Variants in C8orf34 observed in about 807,000 individuals in gnomAD.
C8orf34 encodes chromosome 8 open reading frame 34.
A neutral mutation model predicts 68.3 loss-of-function variants in C8orf34; 65 were observed. The observed-to-expected ratio is 0.95, with a 90% confidence interval of 0.78 to 1.17. The LOEUF (loss-of-function observed/expected upper bound fraction) is 1.17, where lower values mean the gene tolerates loss of function less well. C8orf34 is among the 50% of genes most tolerant of loss of function. C8orf34 has a pLI of 0.00. For missense variants in C8orf34, 664 were observed against 655.4 expected, an observed-to-expected ratio of 1.01 and a Z score of -0.14; for synonymous variants, 244 against 241.2, an observed-to-expected ratio of 1.01 and a Z score of -0.11.
intron 11 of C8orf34, among the ~76,000 whole-genome samples, chr8:68,780,520 C>T (rs1327497353): frequency 2.0e-5 from 3 of 152,074 alleles, no homozygotes; most frequent in Non-Finnish European, 4.4e-5. Flanking sequence ...TTTGTTATTA[C>T]TCTCTCTCTT....
At chr8:68,805,325 G>A (rs1203200283) in intron 12 of C8orf34, among the ~76,000 whole-genome samples, 2 of 152,170 alleles carry the variant, frequency 1.3e-5, no homozygotes, top group Non-Finnish European at 2.9e-5. Flanking sequence ...GTTGTTGGGT[G>A]GAGTTTTCTT....
At chr8:68,417,454 T>A (rs1347583777) in intron 1 of C8orf34, among the ~76,000 whole-genome samples, 2 of 152,086 alleles carry the variant, frequency 1.3e-5, no homozygotes, top group African/African-American at 4.8e-5. Flanking sequence ...ATATTGAATA[T>A]TATACTGCTG....
chr8:68,443,915 A>G (rs1405163339), intron 2 of C8orf34, among the ~76,000 whole-genome samples: 1 of 152,014 alleles, frequency 6.6e-6, no homozygotes, highest in African/African-American at 2.4e-5. Flanking sequence ...GTGGGAATAA[A>G]AGACAAATTA....
At chr8:68,654,006 C>CAT (rs1338325397) in intron 8 of C8orf34, among the ~76,000 whole-genome samples, 2 of 152,048 alleles carry the variant, frequency 1.3e-5, no homozygotes, top group African/African-American at 4.8e-5. Flanking sequence ...ATGACAAGAA[C>CAT]ATATATATAA....
intron 10 of C8orf34, among the ~76,000 whole-genome samples, chr8:68,750,228 T>C (rs546242024): frequency 1.3e-5 from 2 of 152,232 alleles, no homozygotes; most frequent in Non-Finnish European, 2.9e-5. Context: ...CCAACATACA[T>C]GAACTAATGA....
chr8:68,589,098 C>A (rs895352448), intron 7 of C8orf34, among the ~76,000 whole-genome samples: 2 of 152,144 alleles, frequency 1.3e-5, no homozygotes, highest in African/African-American at 4.8e-5. Context: ...AACGGCCAGG[C>A]ACAAATAAAT....
chr8:68,675,884 C>T (rs186824885), intron 8 of C8orf34, among the ~76,000 whole-genome samples: 6 of 152,072 alleles, frequency 3.9e-5, no homozygotes, highest in South Asian at 2.1e-4. Flanking sequence ...TGAAAATAAA[C>T]GAATGGAAAA....
chr8:68,529,360 G>A (rs867172651), intron 6 of C8orf34, among the ~76,000 whole-genome samples: 2 of 152,112 alleles, frequency 1.3e-5, no homozygotes, highest in Non-Finnish European at 2.9e-5. Context: ...CATCTTACTT[G>A]ACCAAACAGC....
rs1163834430 is a variant in C8orf34, at chr8:68,331,078, A to G, written c.66A>G (p.Ser22=). The change falls in exon 1 of 14, where the codon TCA becomes TCG. Residue 22 remains serine, a synonymous_variant. Transcript: ENST00000518698. ...LAALRPGFRL[S]APHARVAPRA... Reference sequence around the variant, plus strand: ...CGCTGCGCCCAGGCTTCCGGCTCTCAGCGCCCCACGCGCGCGTGGCTCCCC... The same window carrying G: ...CGCTGCGCCCAGGCTTCCGGCTCTCGGCGCCCCACGCGCGCGTGGCTCCCC... 1.4e-6 allele frequency: 2 copies of G among 1,446,788 alleles called. No individual in the cohort carries two copies. The highest frequency in any genetic ancestry group is 5.5e-5 in the East Asian group (2 of 36,638). 89.6% of individuals were successfully genotyped at this position (1,446,788 alleles called of 1,614,324 possible). A position where few individuals can be genotyped will look rare whatever the true frequency, so the allele number is the denominator to read the frequency against.
intron 7 of C8orf34, among the ~76,000 whole-genome samples, chr8:68,547,114 C>G (rs1196720549): frequency 1.3e-5 from 2 of 151,558 alleles, no homozygotes; most frequent in African/African-American, 4.8e-5. Flanking sequence ...TTAGCAATGC[C>G]AACACTGAAT....
At chr8:68,710,349 C>T (rs1412400160) in intron 9 of C8orf34, among the ~76,000 whole-genome samples, 1 of 152,100 alleles carries the variant, frequency 6.6e-6, no homozygotes, top group Non-Finnish European at 1.5e-5. Context: ...AGTTCTCAGC[C>T]CTGATCACTT....
intron 1 of C8orf34, among the ~76,000 whole-genome samples, chr8:68,401,907 C>T (rs1164345732): frequency 6.7e-6 from 1 of 150,320 alleles, no homozygotes; most frequent in Non-Finnish European, 1.5e-5. Context: ...GGTTTTGGTG[C>T]CAGGGTGATA....
At chr8:68,716,274 A>T (rs559760195) in intron 9 of C8orf34, among the ~76,000 whole-genome samples, 6 of 152,240 alleles carry the variant, frequency 3.9e-5, no homozygotes, top group Admixed American at 3.3e-4. Context: ...TAACTTATTC[A>T]TGTAACCAAA....
At chr8:68,369,417 C>T (rs555232602) in intron 1 of C8orf34, among the ~76,000 whole-genome samples, 26 of 152,316 alleles carry the variant, frequency 1.7e-4, no homozygotes, top group African/African-American at 6.3e-4. Context: ...AATGCCATGC[C>T]GGACTAGGTC....
chr8:68,450,309 C>T (rs903712331), intron 3 of C8orf34, among the ~76,000 whole-genome samples: 2 of 152,026 alleles, frequency 1.3e-5, no homozygotes, highest in African/African-American at 2.4e-5. Context: ...CAAAGTCATC[C>T]ATGAGGGTTG....
intron 8 of C8orf34, among the ~76,000 whole-genome samples, chr8:68,650,715 G>C (rs1387724593): frequency 6.6e-6 from 1 of 152,042 alleles, no homozygotes; most frequent in African/African-American, 2.4e-5. Flanking sequence ...TCCTGACCTC[G>C]TGATCCGCCC....
chr8:68,668,356 C>T (rs147818302), intron 8 of C8orf34, among the ~76,000 whole-genome samples: 1,535 of 152,116 alleles, frequency 0.01, 26 homozygotes, highest in African/African-American at 0.035. Context: ...ATTTGAAGGG[C>T]AATTCCATGG....
chr8:68,564,941 G>A (rs998428309), intron 7 of C8orf34, among the ~76,000 whole-genome samples: 1 of 152,162 alleles, frequency 6.6e-6, no homozygotes, highest in Non-Finnish European at 1.5e-5. Context: ...CGACTCTGCT[G>A]TGCATATACT....
intron 3 of C8orf34, among the ~76,000 whole-genome samples, chr8:68,467,484 C>G (rs1812198921): frequency 6.6e-6 from 1 of 151,938 alleles, no homozygotes; most frequent in Non-Finnish European, 1.5e-5. Context: ...CTGTAGCCCT[C>G]TGTCCTCTTG....
Sources: gnomAD v4.1 joint callset for allele counts (sites outside exome capture counted in the v4.1 genomes callset) on GRCh38, gnomAD v4.1.1 for gene constraint, MANE v1.5 for transcripts, NCBI Gene and HGNC (gene_info 2026-07-23, HGNC 2026-07-21) for gene names.